SYT16: variants seen among roughly 807,000 people sequenced by gnomAD.
SYT16 encodes synaptotagmin-16.
A neutral mutation model predicts 61.4 loss-of-function variants in SYT16; 42 were observed. That is an observed-to-expected ratio of 0.68 (90% CI 0.53 to 0.89). The LOEUF is 0.89. Among genes scored for constraint, SYT16 ranks in the 40% least tolerant of loss-of-function variants. The probability of loss-of-function intolerance (pLI) is 0.00; values close to 1 mark genes in which losing one functional copy is unlikely to be tolerated. For synonymous variants in SYT16, 314 were observed against 302.3 expected (o/e 1.04, Z -0.40); for missense variants, 804 against 807.3 (o/e 1.00, Z 0.05).
chr14:61,901,756 A>T (rs191043126), intron 1 of SYT16, among the ~76,000 whole-genome samples: 2,222 of 146,094 alleles, frequency 0.015, 53 homozygotes, highest in African/African-American at 0.054. Context: ...TAATAATAAT[A>T]ATAATAATTA....
chr14:61,918,407 G>A (rs188219346), intron 1 of SYT16, among the ~76,000 whole-genome samples: 56 of 152,212 alleles, frequency 3.7e-4, no homozygotes, highest in African/African-American at 1.2e-3. Context: ...GGTGATGGCT[G>A]CAAACACCTG....
intron 1 of SYT16, among the ~76,000 whole-genome samples, chr14:61,882,753 T>A (rs1269986242): frequency 1.3e-5 from 2 of 152,200 alleles, no homozygotes; most frequent in Non-Finnish European, 2.9e-5. Flanking sequence ...CCTATGAGCC[T>A]GTAAAATTGA....
chr14:61,999,143 A>G (rs898610037), intron 3 of SYT16, among the ~76,000 whole-genome samples: 1 of 151,748 alleles, frequency 6.6e-6, no homozygotes, highest in African/African-American at 2.4e-5. Flanking sequence ...TGTTGACTTC[A>G]TAAAATGAGT....
intron 1 of SYT16, among the ~76,000 whole-genome samples, chr14:61,958,005 C>T (rs1179254756): frequency 6.6e-6 from 1 of 151,716 alleles, no homozygotes; most frequent in Non-Finnish European, 1.5e-5. Context: ...CTTTCTGTTA[C>T]TTCTTGTTTT....
Position 61,824,130 on chromosome 14 carries a change from G to A in SYT16, c.-325+11320G>A, listed in dbSNP as rs187834259. On this transcript the variant is annotated intron_variant, in intron 1 of 7. Transcript: ENST00000683842. ...AGGGTTCTTTTCAGCACTGTGGCCCGAGTCCCATGCTGTTCTGTTTTCTCT... is the reference window on the plus strand; with the variant it reads ...AGGGTTCTTTTCAGCACTGTGGCCCAAGTCCCATGCTGTTCTGTTTTCTCT... 1.2e-3 allele frequency among the ~76,000 whole-genome samples: 177 copies of A among 152,170 alleles called. 4 individuals are homozygous for A. The highest frequency in any genetic ancestry group is 3.4e-3 in the Middle Eastern group (1 of 294).
intron 1 of SYT16, among the ~76,000 whole-genome samples, chr14:61,892,972 G>T (rs1198198230): frequency 1.3e-5 from 2 of 152,006 alleles, no homozygotes; most frequent in African/African-American, 4.8e-5. Flanking sequence ...GCCTTCCTCA[G>T]TGTGGTGACT....
intron 1 of SYT16, among the ~76,000 whole-genome samples, chr14:61,878,073 C>T (rs1476360222): frequency 6.6e-6 from 1 of 152,154 alleles, no homozygotes; most frequent in Non-Finnish European, 1.5e-5. Flanking sequence ...CACCGTTCTC[C>T]AGGGATCCCA....
chr14:62,069,784 A>T lies in SYT16; in HGVS notation c.705A>T (p.Gly235=), dbSNP rs2056223177. ...TCAGCCGTTCGTTGTTGACACACGG[A>T]GAAGATGGCACAGAAGTATCTGCCT... ...PKFSRSLLTH[G]EDGTEVSACE... The change falls in exon 4 of 8, where the codon GGA becomes GGT. Residue 235 remains glycine, a synonymous_variant. Coordinates refer to ENST00000683842, the MANE Select transcript of SYT16 (RefSeq NM_001367656.1). 1 of 1,613,962 alleles carries T rather than the reference A, an allele frequency of 6.2e-7. No individual in the cohort carries two copies. The highest frequency in any genetic ancestry group is 2.2e-5 in the East Asian group (1 of 44,876).
chr14:61,923,704 A>G (rs1251045926), intron 1 of SYT16, among the ~76,000 whole-genome samples: 3 of 152,218 alleles, frequency 2.0e-5, no homozygotes, highest in Non-Finnish European at 4.4e-5. Flanking sequence ...TCTGTGCCAG[A>G]CAAATGGAAA....
At chr14:62,051,285 A>G (rs1003420505) in intron 3 of SYT16, among the ~76,000 whole-genome samples, 2 of 152,210 alleles carry the variant, frequency 1.3e-5, no homozygotes, top group Non-Finnish European at 2.9e-5. Context: ...GCGGGATATA[A>G]TCTCCTGGTG....
At chr14:61,858,140 AAAAGAAAG>A (rs1327508898) in intron 1 of SYT16, among the ~76,000 whole-genome samples, 1 of 148,300 alleles carries the variant, frequency 6.7e-6, no homozygotes, top group African/African-American at 2.5e-5. Context: ...AAAAAAAAAA[AAAAGAAAG>A]AAAAAAAGAA....
chr14:61,814,496 G>A (rs966784703), intron 1 of SYT16, among the ~76,000 whole-genome samples: 2 of 152,064 alleles, frequency 1.3e-5, no homozygotes, highest in Non-Finnish European at 2.9e-5. Context: ...GATACATTTA[G>A]TACCCTAGAA....
chr14:62,065,800 A>G (rs998849365), intron 3 of SYT16, among the ~76,000 whole-genome samples: 4 of 152,138 alleles, frequency 2.6e-5, no homozygotes, highest in Admixed American at 6.5e-5. Flanking sequence ...GATCTCTCCT[A>G]TATGCATTGG....
chr14:61,812,764 C>G lies in SYT16; in HGVS notation c.-371C>G, dbSNP rs2045306153. 2 of 151,390 alleles carry G rather than the reference C, an allele frequency of 1.3e-5. No homozygotes were observed. Among genetic ancestry groups the G allele is most frequent in the Non-Finnish European group, 2.9e-5 (2 of 67,830 alleles). The allele number at this position is 151,390 out of a possible 1,614,324, so 9.4% of individuals were successfully genotyped here. ...CGGGCTCGGCGCCGGTTTCCCGAAC[C>G]TGGGCGGCCGTCGGGCAGCCCCCTC... is the stretch of plus-strand genomic sequence containing the variant. On this transcript the variant is annotated 5_prime_UTR_variant, in exon 1 of 8. Transcript: ENST00000683842.
chr14:61,833,073 G>C (rs972798795), intron 1 of SYT16, among the ~76,000 whole-genome samples: 1 of 152,030 alleles, frequency 6.6e-6, no homozygotes, highest in Non-Finnish European at 1.5e-5. Context: ...CATAAGCTTT[G>C]AGCTGTAAAA....
In SYT16 at chr14:62,107,169, C is replaced by A. The variant is rs1009767836; in HGVS notation, c.*6462C>A. The A allele has an allele frequency of 6.6e-6, 1 of 151,850 alleles. No individual in the cohort carries two copies. Among genetic ancestry groups the A allele is most frequent in the South Asian group, 2.1e-4 (1 of 4,808 alleles). The allele number at this position is 151,850 out of a possible 1,614,324, so 9.4% of individuals were successfully genotyped here. On this transcript the variant is annotated 3_prime_UTR_variant, in exon 8 of 8. Transcript: ENST00000683842. ...TCTTTATAGGTTGGGCATGGTGGCT[C>A]ACACCTGTAATCCCAGAACTTTGGG...
chr14:62,092,219 C>T (rs1259174126), intron 7 of SYT16, among the ~76,000 whole-genome samples: 7 of 126,662 alleles, frequency 5.5e-5, no homozygotes, highest in Non-Finnish European at 1.2e-4. Flanking sequence ...CACACACACA[C>T]ACACACACTA....
At chr14:61,918,426 G>T (rs1406327346) in intron 1 of SYT16, among the ~76,000 whole-genome samples, 1 of 152,112 alleles carries the variant, frequency 6.6e-6, no homozygotes, top group Non-Finnish European at 1.5e-5. Flanking sequence ...TGGAAGAAAA[G>T]AGGGGAAATA....
intron 1 of SYT16, among the ~76,000 whole-genome samples, chr14:61,836,021 CAG>C (rs2046117016): frequency 2.0e-5 from 3 of 152,140 alleles, no homozygotes; most frequent in Admixed American, 2.0e-4. Context: ...TTTAATTAAT[CAG>C]AACTTGTATC....
Sources: allele counts gnomAD v4.1 joint callset (sites outside exome capture counted in the v4.1 genomes callset), GRCh38; gene constraint gnomAD v4.1.1; transcripts MANE v1.5; gene names NCBI Gene and HGNC (gene_info 2026-07-23, HGNC 2026-07-21).